The following TULP4 variants were observed in gnomAD, a reference collection of about 807,000 sequenced individuals.
TULP4 encodes the protein TUB like protein 4, also known as tubby-related protein 4.
Under a neutral mutation model 129.0 loss-of-function variants are expected in TULP4, and 16 were observed. The observed-to-expected ratio is 0.12, with a 90% CI of 0.08 to 0.19. The LOEUF (loss-of-function observed/expected upper bound fraction) is 0.19. Ranked by LOEUF, TULP4 falls within the 10% of genes least tolerant of loss-of-function variation. The pLI, the probability that TULP4 is intolerant of heterozygous loss-of-function variation, is 1.00. For synonymous variants in TULP4, 998 were observed against 854.0 expected (o/e 1.17, Z -2.94); for missense variants, 1,842 against 2,059.1 (o/e 0.89, Z 2.04).
chr6:158,253,686 G>T (rs9356542), intron 1 of TULP4, among the ~76,000 whole-genome samples: 23,533 of 151,590 alleles, frequency 0.16, 2,476 homozygotes, highest in East Asian at 0.43. Flanking sequence ...CACTTTTTTT[G>T]ATTTTCTTAA....
At chr6:158,441,736 C>A (rs186118779) in intron 3 of TULP4, among the ~76,000 whole-genome samples, 3 of 152,310 alleles carry the variant, frequency 2.0e-5, no homozygotes, top group African/African-American at 7.2e-5. Context: ...TGCAGACTCT[C>A]GGACATAAAT....
intron 1 of TULP4, among the ~76,000 whole-genome samples, chr6:158,357,969 C>T (rs1315439292): frequency 6.6e-6 from 1 of 152,158 alleles, no homozygotes; most frequent in Non-Finnish European, 1.5e-5. Flanking sequence ...GACCCAGTGT[C>T]CTCTTCTGTG....
intron 1 of TULP4, among the ~76,000 whole-genome samples, chr6:158,383,665 G>T (rs1383312065): frequency 6.6e-6 from 1 of 152,210 alleles, no homozygotes; most frequent in Non-Finnish European, 1.5e-5. Context: ...AGGGATGCAG[G>T]AGAGCGAGTC....
At chr6:158,428,499 A>G (rs751993539) in intron 2 of TULP4, 27 of 152,270 alleles carry the variant, frequency 1.8e-4, no homozygotes, top group Non-Finnish European at 3.4e-4. Flanking sequence ...TGATATGTAA[A>G]AATCCATACA....
chr6:158,233,494 A>C (rs780733961), intron 1 of TULP4, among the ~76,000 whole-genome samples: 1 of 152,168 alleles, frequency 6.6e-6, no homozygotes, highest in Non-Finnish European at 1.5e-5. Flanking sequence ...TCTTAGTTGA[A>C]GTTCTTGCAG....
At chr6:158,431,876 G>A (rs1417224907) in intron 3 of TULP4, among the ~76,000 whole-genome samples, 1 of 152,126 alleles carries the variant, frequency 6.6e-6, no homozygotes, top group African/African-American at 2.4e-5. Context: ...AAGAGCTGAT[G>A]TGGCAAGCAA....
At chr6:158,252,333 T>C (rs921725179) in intron 1 of TULP4, among the ~76,000 whole-genome samples, 1 of 151,978 alleles carries the variant, frequency 6.6e-6, no homozygotes, top group Non-Finnish European at 1.5e-5. Context: ...TTTTTTTTTT[T>C]TTCTTGAGCA....
At chr6:158,309,679 A>G (rs1779302128), upstream of TULP4, among the ~76,000 whole-genome samples, 3 of 152,268 alleles carry the variant, frequency 2.0e-5, 1 homozygote, top group Admixed American at 2.0e-4. Context: ...ACTCGCGGTT[A>G]GGAGCTGGAG....
intron 5 of TULP4, among the ~76,000 whole-genome samples, chr6:158,454,522 T>C (rs1161492288): frequency 2.0e-5 from 3 of 152,098 alleles, no homozygotes; most frequent in Non-Finnish European, 4.4e-5. Flanking sequence ...TACGGGGGAA[T>C]TTTTCCAGTT....
At chr6:158,498,596 C>A in intron 11 of TULP4, 73 bp from the exon 12 acceptor site, 1 of 1,587,488 alleles carries the variant, frequency 6.3e-7, no homozygotes, top group Non-Finnish European at 8.6e-7. Context: ...GCTCTTCTTC[C>A]TGTGACTCTC....
intron 1 of TULP4, among the ~76,000 whole-genome samples, chr6:158,274,120 T>C (rs1036346777): frequency 1.3e-5 from 2 of 152,046 alleles, no homozygotes; most frequent in African/African-American, 4.8e-5. Flanking sequence ...TAGCTGGGCA[T>C]GGTGGCGGGC....
chr6:158,262,851 C>T (rs1177978112), intron 1 of TULP4, among the ~76,000 whole-genome samples: 5 of 109,318 alleles, frequency 4.6e-5, no homozygotes, highest in African/African-American at 1.4e-4. Flanking sequence ...AATTGTTTTG[C>T]TTTTGGAATG....
intron 1 of TULP4, among the ~76,000 whole-genome samples, chr6:158,320,727 C>T (rs981657068): frequency 6.6e-6 from 1 of 152,172 alleles, no homozygotes; most frequent in African/African-American, 2.4e-5. Context: ...CCACCATGCC[C>T]GGCTAACAGG....
At chr6:158,244,283 C>T (rs1364933662) in intron 1 of TULP4, among the ~76,000 whole-genome samples, 1 of 152,016 alleles carries the variant, frequency 6.6e-6, no homozygotes, top group Non-Finnish European at 1.5e-5. Flanking sequence ...GAAATCAGAG[C>T]AGACCATTTT....
At chr6:158,331,724 C>T (rs1312209677) in intron 1 of TULP4, among the ~76,000 whole-genome samples, 15,950 of 26,348 alleles carry the variant, frequency 0.61, 6,647 homozygotes, top group South Asian at 0.79. Flanking sequence ...CACACACACA[C>T]ACACATACGT....
exon 1 of TULP4, chr6:158,232,242 G>A: frequency 6.7e-6 from 1 of 148,956 alleles, no homozygotes; most frequent in Non-Finnish European, 1.5e-5. Flanking sequence ...CGGCGATGCG[G>A]GGCTGCTGGA....
At chr6:158,410,913 A>G (rs1246324575) in intron 1 of TULP4, among the ~76,000 whole-genome samples, 2 of 152,152 alleles carry the variant, frequency 1.3e-5, no homozygotes, top group African/African-American at 4.8e-5. Flanking sequence ...CTGTTTAGGA[A>G]ACTGAACTCC....
upstream of TULP4, among the ~76,000 whole-genome samples, chr6:158,280,924 A>T (rs1009059342): frequency 4.6e-5 from 7 of 152,200 alleles, no homozygotes; most frequent in African/African-American, 9.7e-5. Context: ...GTTGATCTTT[A>T]TTTTTAAAAA....
chr6:158,266,809 G>T (rs1050638296), intron 1 of TULP4, among the ~76,000 whole-genome samples: 1 of 152,008 alleles, frequency 6.6e-6, no homozygotes, highest in Admixed American at 6.6e-5. Context: ...TATCTACATG[G>T]GTCCTAGAAC....
Sources: allele counts gnomAD v4.1 joint callset (sites outside exome capture counted in the v4.1 genomes callset), GRCh38; gene constraint gnomAD v4.1.1; transcripts MANE v1.5; gene names NCBI Gene and HGNC (gene_info 2026-07-23, HGNC 2026-07-21).